SAMMSON: variants seen among roughly 807,000 people sequenced by gnomAD.
SAMMSON encodes long intergenic non-protein coding RNA 1212.
rs899783331 is a variant in SAMMSON at position 70,031,094 on chromosome 3, G to C, written n.417+17422G>C. Among the ~76,000 whole-genome samples the C allele has an allele frequency of 2.6e-5, 4 of 152,192 alleles. No individual in the cohort carries two copies. The East Asian group carries it at 7.7e-4, about 29-fold the overall frequency. ...AGGACTCAAACAGTTCTTGTAAAAA[G>C]GTTGATGGCAACATTATCCACAATA... On this transcript the variant is annotated intron_variant and non_coding_transcript_variant, in intron 3 of 9. Transcript: ENST00000642114.
At chr3:70,043,696 CT>C (rs2067113952) in intron 3 of SAMMSON, among the ~76,000 whole-genome samples, 1 of 152,024 alleles carries the variant, frequency 6.6e-6, no homozygotes, top group African/African-American at 2.4e-5. Context: ...CTACATTATC[CT>C]GTTGGGAACA....
chr3:70,382,501 A>G (rs1315164169), intron 9 of SAMMSON, among the ~76,000 whole-genome samples: 1 of 152,134 alleles, frequency 6.6e-6, no homozygotes. Flanking sequence ...TAAATGTTGA[A>G]TTAATAAATA....
chr3:70,034,843 CA>C (rs2067079524), intron 3 of SAMMSON, among the ~76,000 whole-genome samples: 1 of 151,728 alleles, frequency 6.6e-6, no homozygotes, highest in Admixed American at 6.6e-5. Flanking sequence ...GACTCCATCT[CA>C]AAAAAAGGAA....
intron 2 of SAMMSON, among the ~76,000 whole-genome samples, chr3:70,427,709 G>A (rs1701382605): frequency 6.8e-6 from 1 of 146,284 alleles, no homozygotes; most frequent in Admixed American, 7.1e-5. Flanking sequence ...CTGCGCTCCA[G>A]CCTGGGCGAC....
chr3:70,302,018 G>C lies in SAMMSON; in HGVS notation n.739+10775G>C, dbSNP rs75505440. ...TTCATTTCAGATCCATATTGGTGTG[G>C]AAATTTAGCTCAAGAAGAAGAATTG... On this transcript the variant is annotated intron_variant and non_coding_transcript_variant, in intron 7 of 9. Coordinates refer to ENST00000642114, the Ensembl canonical transcript of SAMMSON. Among the ~76,000 whole-genome samples, 926 of 152,144 alleles carry C rather than the reference G, an allele frequency of 6.1e-3. 43 individuals carry two copies. The East Asian group carries it at 0.12, about 20-fold the overall frequency.
At chr3:70,327,702 T>A (rs1702589449) in intron 7 of SAMMSON, among the ~76,000 whole-genome samples, 1 of 152,144 alleles carries the variant, frequency 6.6e-6, no homozygotes, top group African/African-American at 2.4e-5. Context: ...ATAAAAAGAC[T>A]TCACCACTGG....
intron 7 of SAMMSON, among the ~76,000 whole-genome samples, chr3:70,325,438 T>A (rs537127144): frequency 1.3e-5 from 2 of 152,142 alleles, no homozygotes; most frequent in Admixed American, 6.6e-5. Flanking sequence ...AAAGATTGGA[T>A]AAGGCTCAAC....
At chr3:70,147,861 C>G (rs566404008) in intron 4 of SAMMSON, among the ~76,000 whole-genome samples, 1 of 152,064 alleles carries the variant, frequency 6.6e-6, no homozygotes, top group African/African-American at 2.4e-5. Context: ...AAATGAAAAT[C>G]AAGCTGCAGC....
chr3:70,239,688 A>G (rs1219510610), intron 4 of SAMMSON, among the ~76,000 whole-genome samples: 1 of 152,134 alleles, frequency 6.6e-6, no homozygotes, highest in Non-Finnish European at 1.5e-5. Flanking sequence ...TCATCTCTCA[A>G]GTCTATTTCA....
In SAMMSON at chr3:70,309,883, C is replaced by T. The variant is rs186268761; in HGVS notation, n.739+18640C>T. 1.2e-3 allele frequency among the ~76,000 whole-genome samples: 182 copies of T among 152,196 alleles called. 1 individual carries two copies. The highest frequency in any genetic ancestry group is 1.5e-3 in the East Asian group (8 of 5,178). ...ATAGATTACAAGAATTCAATGCCTA[C>T]GCTGTACTTAATGGACACGATTCTT... On this transcript the variant is annotated intron_variant and non_coding_transcript_variant, in intron 7 of 9. Coordinates refer to ENST00000642114, the Ensembl canonical transcript of SAMMSON.
intron 7 of SAMMSON, among the ~76,000 whole-genome samples, chr3:70,337,130 TC>T (rs1477580342): frequency 1.4e-4 from 12 of 87,550 alleles, no homozygotes; most frequent in Admixed American, 5.3e-4. Context: ...AATAATAATA[TC>T]TAACTTAATA....
chr3:70,343,812 G>A (rs538010576), intron 7 of SAMMSON, among the ~76,000 whole-genome samples: 155 of 151,374 alleles, frequency 1.0e-3, no homozygotes, highest in Non-Finnish European at 1.7e-3. Flanking sequence ...CTGTACATAG[G>A]ATTTGTTCTT....
At chr3:70,180,701 A>G (rs1026403598) in intron 4 of SAMMSON, among the ~76,000 whole-genome samples, 43 of 152,226 alleles carry the variant, frequency 2.8e-4, no homozygotes, top group African/African-American at 1.0e-3. Context: ...GCTACTCCGA[A>G]CCCATTTAGT....
At chr3:70,124,996 C>A in intron 4 of SAMMSON, 1 of 662,402 alleles carries the variant, frequency 1.5e-6, no homozygotes, top group Non-Finnish European at 2.7e-6. Context: ...TCCAGGTGGT[C>A]AATTTCTTCC....
chr3:70,067,408 G>T lies in SAMMSON; in HGVS notation n.418-4068G>T, dbSNP rs2067213577. 2.0e-5 allele frequency among the ~76,000 whole-genome samples: 3 copies of T among 151,898 alleles called. No individual in the cohort carries two copies. In the South Asian group the frequency reaches 6.2e-4, roughly 32 times the overall value. On this transcript the variant is annotated intron_variant and non_coding_transcript_variant, in intron 3 of 9. Transcript: ENST00000642114. ...AGATGGGTGGGAGATTCAAGAAAAG[G>T]GTAACAATAGGTACTGGTTTTTTTC...
chr3:70,045,355 C>G (rs1031615187), intron 3 of SAMMSON, among the ~76,000 whole-genome samples: 2 of 150,596 alleles, frequency 1.3e-5, no homozygotes, highest in East Asian at 1.9e-4. Context: ...AATGGAGGAT[C>G]TTTTCCATAA....
At chr3:70,136,374 A>G (rs1012408389) in intron 4 of SAMMSON, among the ~76,000 whole-genome samples, 2 of 152,234 alleles carry the variant, frequency 1.3e-5, no homozygotes, top group African/African-American at 4.8e-5. Context: ...TGACATGAGT[A>G]CATTGAGTGG....
intron 4 of SAMMSON, among the ~76,000 whole-genome samples, chr3:70,170,423 T>C (rs1042167327): frequency 3.3e-5 from 5 of 151,872 alleles, no homozygotes; most frequent in African/African-American, 4.8e-5. Context: ...TTTTTGTCTC[T>C]TTTAAATTCT....
chr3:70,118,580 C>T (rs2067421091), intron 4 of SAMMSON, among the ~76,000 whole-genome samples: 1 of 152,138 alleles, frequency 6.6e-6, no homozygotes, highest in African/African-American at 2.4e-5. Context: ...CTCTGAGAAG[C>T]CCTGCATTCT....
Sources: allele counts gnomAD v4.1 joint callset (sites outside exome capture counted in the v4.1 genomes callset), GRCh38; gene constraint gnomAD v4.1.1; transcripts MANE v1.5; gene names NCBI Gene and HGNC (gene_info 2026-07-23, HGNC 2026-07-21).